Variants in PTPRM observed in about 807,000 individuals in gnomAD.
PTPRM encodes the protein protein tyrosine phosphatase receptor type M, also known as receptor-type tyrosine-protein phosphatase mu.
Under a neutral mutation model 186.7 loss-of-function variants are expected in PTPRM, and 47 were observed. The observed-to-expected ratio is 0.25, with a 90% CI of 0.20 to 0.32. PTPRM has a LOEUF of 0.32. PTPRM is among the 10% of genes least tolerant of loss of function. The probability of loss-of-function intolerance (pLI) is 1.00; values close to 1 mark genes in which losing one functional copy is unlikely to be tolerated. For synonymous variants in PTPRM, 668 were observed against 674.9 expected (o/e 0.99, Z 0.16); for missense variants, 1,494 against 1,865.0 (o/e 0.80, Z 3.66).
intron 5 of PTPRM, among the ~76,000 whole-genome samples, chr18:7,929,651 C>T (rs539718697): frequency 7.2e-5 from 11 of 152,266 alleles, no homozygotes; most frequent in South Asian, 2.1e-4. Flanking sequence ...AAATAAGACC[C>T]GTGTCCTTCA....
At chr18:8,014,445 T>C (rs185579430) in intron 7 of PTPRM, among the ~76,000 whole-genome samples, 3 of 152,266 alleles carry the variant, frequency 2.0e-5, no homozygotes, top group Admixed American at 2.0e-4. Context: ...CTCCATTTTT[T>C]CCCTTTCTTA....
At chr18:7,713,993 A>G (rs1400074569) in intron 1 of PTPRM, among the ~76,000 whole-genome samples, 1 of 152,188 alleles carries the variant, frequency 6.6e-6, no homozygotes, top group Non-Finnish European at 1.5e-5. Context: ...GATATTCAGG[A>G]CTTGAACTTA....
rs143713774 is a variant in PTPRM at position 7,678,505 on chromosome 18, G to A, written c.74-95644G>A. On this transcript the variant is annotated intron_variant, in intron 1 of 32. Transcript: ENST00000580170. ...TGTACCCTTGCCTGGACGGGGCCCTGAGGGAACGGGAGGCCGGCCTTCAGA... is the reference window on the plus strand; with the variant it reads ...TGTACCCTTGCCTGGACGGGGCCCTAAGGGAACGGGAGGCCGGCCTTCAGA... Among the ~76,000 whole-genome samples the A allele has an allele frequency of 5.0e-3, 761 of 152,272 alleles. 5 individuals are homozygous for A. Among genetic ancestry groups the A allele is most frequent in the African/African-American group, 0.016 (679 of 41,558 alleles).
intron 14 of PTPRM, among the ~76,000 whole-genome samples, chr18:8,145,952 G>A (rs755896937): frequency 3.3e-5 from 5 of 151,902 alleles, no homozygotes; most frequent in African/African-American, 4.8e-5. Flanking sequence ...TCCACCAACA[G>A]TGTAAAAGTG....
chr18:8,328,812 C>T lies in PTPRM; in HGVS notation c.2956+9598C>T, dbSNP rs542431506. On this transcript the variant is annotated intron_variant, in intron 22 of 32. Transcript: ENST00000580170. ...CAATTAGCAGCTTATCCAGAAACTT[C>T]CTTTTAAACAATAATTTCTCTTCAC... 5.3e-5 allele frequency among the ~76,000 whole-genome samples: 8 copies of T among 152,298 alleles called. No individual in the cohort carries two copies. The East Asian group carries it at 1.5e-3, about 29-fold the overall frequency.
intron 1 of PTPRM, among the ~76,000 whole-genome samples, chr18:7,723,477 G>C (rs1164633236): frequency 6.6e-6 from 1 of 152,148 alleles, no homozygotes; most frequent in African/African-American, 2.4e-5. Flanking sequence ...GAGTGCCCGA[G>C]GGTCCCACTC....
chr18:8,248,319 G>C (rs753562653), intron 17 of PTPRM, 143 bp downstream of exon 17: 2 of 826,424 alleles, frequency 2.4e-6, no homozygotes, highest in Non-Finnish European at 4.2e-6. Flanking sequence ...CCTGGGTCAT[G>C]GGGTTAAAGG....
chr18:8,275,488 G>C (rs929654054), intron 19 of PTPRM, among the ~76,000 whole-genome samples: 1 of 152,102 alleles, frequency 6.6e-6, no homozygotes, highest in African/African-American at 2.4e-5. Flanking sequence ...ACTCTGTTGC[G>C]TTTAGAGCTT....
At chr18:7,834,992 C>CTTTTTTTTTTTTTTTTTTTTTT (rs57839485) in intron 2 of PTPRM, among the ~76,000 whole-genome samples, 1 of 85,266 alleles carries the variant, frequency 1.2e-5, no homozygotes, top group African/African-American at 4.5e-5. Flanking sequence ...TTATTTGGAT[C>CTTTTTTTTTTTTTTTTTTTTTT]TTTTTTTTTT....
At chr18:7,592,512 C>T (rs747349512) in intron 1 of PTPRM, among the ~76,000 whole-genome samples, 6 of 152,206 alleles carry the variant, frequency 3.9e-5, no homozygotes, top group Non-Finnish European at 5.9e-5. Flanking sequence ...CAGGCCTCTG[C>T]CCACCTGCAG....
intron 1 of PTPRM, among the ~76,000 whole-genome samples, chr18:7,584,520 T>A (rs576014604): frequency 2.9e-4 from 44 of 152,242 alleles, no homozygotes; most frequent in African/African-American, 9.4e-4. Context: ...ACTTTTTGGC[T>A]ACCTAAAATA....
At chr18:7,942,385 T>A (rs1170367660) in intron 5 of PTPRM, among the ~76,000 whole-genome samples, 1 of 151,642 alleles carries the variant, frequency 6.6e-6, no homozygotes, top group Non-Finnish European at 1.5e-5. Flanking sequence ...TTATGGACAG[T>A]CGTGTAGAAG....
chr18:7,939,999 C>T (rs1233851744), intron 5 of PTPRM, among the ~76,000 whole-genome samples: 1 of 152,104 alleles, frequency 6.6e-6, no homozygotes, highest in African/African-American at 2.4e-5. Context: ...GTTCTGAACA[C>T]ACTGACCTCT....
chr18:8,392,500 G>A (rs1352077342), intron 31 of PTPRM, among the ~76,000 whole-genome samples: 1 of 152,032 alleles, frequency 6.6e-6, no homozygotes, highest in Admixed American at 6.6e-5. Context: ...GGTGGCAGGT[G>A]CCTGTAGTCC....
intron 14 of PTPRM, among the ~76,000 whole-genome samples, chr18:8,163,481 A>AC (rs1370036941): frequency 1.3e-5 from 2 of 152,144 alleles, no homozygotes; most frequent in Non-Finnish European, 1.5e-5. Context: ...CTTAGCCAAT[A>AC]CCCAGGCTGT....
chr18:7,972,552 A>T (rs1461684523), intron 7 of PTPRM, among the ~76,000 whole-genome samples: 1 of 150,568 alleles, frequency 6.6e-6, no homozygotes, highest in Non-Finnish European at 1.5e-5. Flanking sequence ...GGCTTTTTAG[A>T]AATACATTAA....
intron 13 of PTPRM, among the ~76,000 whole-genome samples, chr18:8,128,375 A>G (rs1186185448): frequency 1.3e-5 from 2 of 152,218 alleles, no homozygotes; most frequent in Non-Finnish European, 2.9e-5. Flanking sequence ...ACGGAAGTTA[A>G]TATAGAGGGT....
In PTPRM at chr18:7,984,614, C is replaced by T. The variant is rs1420674217; in HGVS notation, c.1132+29200C>T. Among the ~76,000 whole-genome samples, 29 of 128,700 alleles carry T rather than the reference C, an allele frequency of 2.3e-4. No homozygotes were observed. The South Asian group carries it at 4.7e-3, about 21-fold the overall frequency. The allele number at this position is 128,700 out of a possible 152,430, so 84.4% of individuals were successfully genotyped here. A position where few individuals can be genotyped will look rare whatever the true frequency, so the allele number is the denominator to read the frequency against. ...ATATATATATATATACACACACACACACACACACACACACAAACCCCCATA... is the reference window on the plus strand; with the variant it reads ...ATATATATATATATACACACACACATACACACACACACACAAACCCCCATA... On this transcript the variant is annotated intron_variant, in intron 7 of 32. Coordinates refer to ENST00000580170, the MANE Select transcript of PTPRM (RefSeq NM_001105244.2).
chr18:7,929,795 AT>A (rs138256752), intron 5 of PTPRM, among the ~76,000 whole-genome samples: 1,686 of 151,948 alleles, frequency 0.011, 24 homozygotes, highest in African/African-American at 0.036. Context: ...CCCCTTGAAC[AT>A]TTTCTCAGTC....
Sources: gnomAD v4.1 joint callset for allele counts (sites outside exome capture counted in the v4.1 genomes callset) on GRCh38, gnomAD v4.1.1 for gene constraint, MANE v1.5 for transcripts, NCBI Gene and HGNC (gene_info 2026-07-23, HGNC 2026-07-21) for gene names.